PIEZO2: variants seen among roughly 807,000 people sequenced by gnomAD.
PIEZO2 encodes the protein piezo type mechanosensitive ion channel component 2.
A neutral mutation model predicts 337.3 loss-of-function variants in PIEZO2; 172 were observed. That is an observed-to-expected ratio of 0.51 (90% confidence interval 0.45 to 0.58). The LOEUF (loss-of-function observed/expected upper bound fraction) is 0.58, where lower values mean the gene tolerates loss of function less well. PIEZO2 is among the 20% of genes least tolerant of loss of function. PIEZO2 has a pLI of 0.00. For synonymous variants in PIEZO2, 1,251 were observed against 1,228.5 expected, an observed-to-expected ratio of 1.02 and a Z score of -0.38; for missense variants, 3,028 against 3,391.3, an observed-to-expected ratio of 0.89 and a Z score of 2.66.
rs1253868562 is a variant in PIEZO2 at position 10,837,804 on chromosome 18, T to C, written c.917+17549A>G. Among the ~76,000 whole-genome samples, 4 of 152,054 alleles carry C rather than the reference T, an allele frequency of 2.6e-5. No individual in the cohort carries two copies. Among genetic ancestry groups the C allele is most frequent in the African/African-American group, 9.7e-5 (4 of 41,384 alleles). ...TCTCACTCTGTCGCCCAGGCTGGAG[T>C]GCAATGGTGCAATCTCAGCTCACTG... On this transcript the variant is annotated intron_variant, in intron 7 of 55. Coordinates refer to ENST00000674853, the MANE Select transcript of PIEZO2 (RefSeq NM_001378183.1). The surrounding 1 kb of genome is among the most constrained non-coding windows in gnomAD (Gnocchi z 4.4).
rs1436519400 is a variant in PIEZO2, at chr18:10,742,476, G to C, written c.4636+18C>G. 1 of 1,536,954 alleles carries C rather than the reference G, an allele frequency of 6.5e-7. No homozygotes were observed. The highest frequency in any genetic ancestry group is 1.4e-5 in the African/African-American group (1 of 73,144). ...TTCAATGTTAAAACTTGAATAAGAG[G>C]AAAATGTCTTGACATACTTTCATCA... On this transcript the variant is annotated intron_variant, in intron 32 of 55. Coordinates refer to ENST00000674853, the MANE Select transcript of PIEZO2 (RefSeq NM_001378183.1).
In PIEZO2 at chr18:10,704,480, G is replaced by C; in HGVS notation, c.6172C>G (p.Leu2058Val). The change falls in exon 42 of 56, where the codon CTT becomes GTT. Residue 2058 changes from leucine to valine, a missense_variant. Physicochemically the swap from Leu to Val is conservative, Grantham distance 32. Coordinates refer to ENST00000674853, the MANE Select transcript of PIEZO2 (RefSeq NM_001378183.1). Reference protein sequence around the residue: ...MVSASMITLLLPILIFLWAML... With the variant: ...MVSASMITLLVPILIFLWAML... Reference sequence around the variant, plus strand: ...GCCCAGAGGAAGATGAGGATGGGAAGCAGGAGCGTGATCATGGAGGCAGAG... The same window carrying C: ...GCCCAGAGGAAGATGAGGATGGGAACCAGGAGCGTGATCATGGAGGCAGAG... 1 of 1,537,268 alleles carries C rather than the reference G, an allele frequency of 6.5e-7. No individual in the cohort carries two copies. Among genetic ancestry groups the C allele is most frequent in the Non-Finnish European group, 8.7e-7 (1 of 1,146,912 alleles).
chr18:11,090,295 A>C (rs2039037657), intron 1 of PIEZO2, among the ~76,000 whole-genome samples: 2 of 152,226 alleles, frequency 1.3e-5, no homozygotes, highest in Admixed American at 1.3e-4. Context: ...GAGAAGGAAG[A>C]AGGAGGGAAA....
intron 1 of PIEZO2, among the ~76,000 whole-genome samples, chr18:11,136,208 G>A (rs1287730626): frequency 6.6e-6 from 1 of 152,238 alleles, no homozygotes; most frequent in East Asian, 1.9e-4. Flanking sequence ...ATCCGGCACT[G>A]GGTCAGAAAT....
At chr18:11,067,970 G>A (rs929735202) in intron 1 of PIEZO2, among the ~76,000 whole-genome samples, 3 of 152,186 alleles carry the variant, frequency 2.0e-5, no homozygotes, top group Non-Finnish European at 2.9e-5. Context: ...CCCCCAGGCT[G>A]CAGTGCAGTG....
Position 10,691,209 on chromosome 18 carries a change from T to C in PIEZO2, c.7349+16A>G, listed in dbSNP as rs759418342. ...TCTTCCCCCATAAGTGACTGTGACG[T>C]TGCAGAGCGTCCTACCCTTGGAATA... On this transcript the variant is annotated intron_variant, in intron 48 of 55. Coordinates refer to ENST00000674853, the MANE Select transcript of PIEZO2 (RefSeq NM_001378183.1). The C allele has an allele frequency of 4.2e-5, 67 of 1,610,356 alleles. No individual in the cohort carries two copies. The highest frequency in any genetic ancestry group is 5.6e-5 in the Non-Finnish European group (66 of 1,178,394).
intron 3 of PIEZO2, among the ~76,000 whole-genome samples, chr18:10,932,933 T>C (rs959328451): frequency 7.9e-5 from 11 of 138,436 alleles, no homozygotes; most frequent in African/African-American, 2.9e-4. Context: ...CTAAAAAAGG[T>C]AAAAAAAAAA....
At chr18:11,086,281 G>A (rs1292161025) in intron 1 of PIEZO2, among the ~76,000 whole-genome samples, 1 of 152,150 alleles carries the variant, frequency 6.6e-6, no homozygotes, top group African/African-American at 2.4e-5. Context: ...AGCACTTTGG[G>A]AGGCTGAGGC....
Position 10,861,073 on chromosome 18 carries a change from C to T in PIEZO2, c.493-3862G>A, listed in dbSNP as rs2041858922. Among the ~76,000 whole-genome samples the T allele has an allele frequency of 6.6e-6, 1 of 152,206 alleles. No individual in the cohort carries two copies. The highest frequency in any genetic ancestry group is 1.5e-5 in the Non-Finnish European group (1 of 68,036). The stretch of plus-strand genomic sequence containing the variant: ...TCAGGCTGGCTTATTAACAGGCAGG[C>T]TTTTTCCCCCAAAGTGATTCTTCTG... On this transcript the variant is annotated intron_variant, in intron 5 of 55. Transcript: ENST00000674853. This position sits in a 1 kb window ranked among gnomAD's most constrained non-coding sequence, Gnocchi z 4.3.
chr18:10,887,480 C>T (rs1598633246), intron 4 of PIEZO2, among the ~76,000 whole-genome samples: 2 of 152,160 alleles, frequency 1.3e-5, no homozygotes, highest in African/African-American at 4.8e-5. Context: ...CAGGCTCCAC[C>T]TCCAGCATTG....
Position 10,759,931 on chromosome 18 carries a change from C to CA in PIEZO2, c.3451-23dup, listed in dbSNP as rs201610330. 5.4e-3 allele frequency: 7,698 copies of CA among 1,420,124 alleles called. 143 individuals are homozygous for CA. The African/African-American group carries it at 0.077, about 14-fold the overall frequency. The allele number at this position is 1,420,124 out of a possible 1,614,324, so 88.0% of individuals were successfully genotyped here. On this transcript the variant is annotated intron_variant, in intron 24 of 55. Transcript: ENST00000674853. The surrounding 1 kb of genome is among the most constrained non-coding windows in gnomAD (Gnocchi z 5.5). Reference sequence around the variant, plus strand: ...AGGTCTGTGTAAAGATGAAAAGAGGCAAAAAAAAAAAATCAGGCATATGGG... The same window carrying CA: ...AGGTCTGTGTAAAGATGAAAAGAGGCAAAAAAAAAAAAATCAGGCATATGGG...
intron 17 of PIEZO2, among the ~76,000 whole-genome samples, chr18:10,782,750 G>A (rs906498723): frequency 4.6e-5 from 7 of 151,768 alleles, no homozygotes; most frequent in African/African-American, 1.7e-4. Context: ...GGGGTGCAGG[G>A]TAAGGGCTGT....
At chr18:11,075,612 TACAAAAATTATTTCTTCAAGAAGG>T (rs2038504525) in intron 1 of PIEZO2, among the ~76,000 whole-genome samples, 1 of 152,096 alleles carries the variant, frequency 6.6e-6, no homozygotes, top group Non-Finnish European at 1.5e-5. Context: ...TACAGAAAGT[TACAAAAATTATTTCTTCAAGAAGG>T]ACAATGCCAG....
chr18:10,705,849 C>T (rs2035564535), intron 40 of PIEZO2, 103 bp from the exon 41 acceptor site: 4 of 1,300,008 alleles, frequency 3.1e-6, no homozygotes, highest in East Asian at 2.6e-5. Flanking sequence ...TAAGGAAATG[C>T]CCCATTTTCC....
rs1305091755 is a variant in PIEZO2, at chr18:11,146,521, C to T, written c.64+2004G>A. On this transcript the variant is annotated intron_variant, in intron 1 of 55. Transcript: ENST00000674853. This position sits in a 1 kb window ranked among gnomAD's most constrained non-coding sequence, Gnocchi z 6.1. ...AAGCTGGGAGTGCTGTGAACCAGGC[C>T]AGCTCCCCTTGGGAGGGCAGAGTAC... 6.6e-6 allele frequency among the ~76,000 whole-genome samples: 1 copy of T among 152,220 alleles called. No homozygotes were observed. The highest frequency in any genetic ancestry group is 1.5e-5 in the Non-Finnish European group (1 of 68,042).
intron 1 of PIEZO2, among the ~76,000 whole-genome samples, chr18:11,089,177 G>T (rs1163028888): frequency 1.3e-5 from 2 of 152,080 alleles, no homozygotes; most frequent in Admixed American, 1.3e-4. Flanking sequence ...GCACCTCAAT[G>T]ACTACATTTT....
At chr18:10,729,566 G>C (rs908270493) in intron 36 of PIEZO2, among the ~76,000 whole-genome samples, 1 of 149,582 alleles carries the variant, frequency 6.7e-6, no homozygotes, top group Non-Finnish European at 1.5e-5. Flanking sequence ...TGAGGTTGCA[G>C]TGAGCCGAGA....
At chr18:10,902,410 A>G (rs1400149375) in intron 4 of PIEZO2, among the ~76,000 whole-genome samples, 2 of 152,182 alleles carry the variant, frequency 1.3e-5, no homozygotes, top group Admixed American at 1.3e-4. Context: ...AAATACACTG[A>G]TATCTGCATC....
rs1050132778 is a variant in PIEZO2, at chr18:11,094,263, C to T, written c.65-28041G>A. 9.2e-5 allele frequency among the ~76,000 whole-genome samples: 14 copies of T among 152,264 alleles called. No homozygotes were observed. The South Asian group carries it at 2.9e-3, about 32-fold the overall frequency. ...TTGAACGTATGTATGGTAGGTTAAT[C>T]CTCCCAAATCACTGGGGAAGCCATT... On this transcript the variant is annotated intron_variant, in intron 1 of 55. Coordinates refer to ENST00000674853, the MANE Select transcript of PIEZO2 (RefSeq NM_001378183.1). The surrounding 1 kb of genome is among the most constrained non-coding windows in gnomAD (Gnocchi z 4.4).
Sources: allele counts gnomAD v4.1 joint callset (sites outside exome capture counted in the v4.1 genomes callset), GRCh38; gene constraint gnomAD v4.1.1; non-coding constraint Gnocchi (gnomAD v3.1); transcripts MANE v1.5; gene names NCBI Gene and HGNC (gene_info 2026-07-23, HGNC 2026-07-21).